TPRG1: variants seen among roughly 807,000 people sequenced by gnomAD.
The protein encoded by TPRG1 is tumor protein p63 regulated 1.
In TPRG1, 29 loss-of-function variants were observed where a neutral mutation model predicts 29.3. That is an observed-to-expected ratio of 0.99 (90% confidence interval 0.74 to 1.35). TPRG1 has a LOEUF of 1.35. Ranked by LOEUF, TPRG1 falls within the 40% of genes most tolerant of loss-of-function variation. The pLI is 0.00. For synonymous variants in TPRG1, 130 were observed against 116.8 expected (o/e 1.11, Z -0.73); for missense variants, 327 against 335.0 (o/e 0.98, Z 0.19).
At chr3:189,224,494 C>A (rs373166186) in intron 3 of TPRG1, among the ~76,000 whole-genome samples, 3,522 of 145,298 alleles carry the variant, frequency 0.024, 141 homozygotes, top group African/African-American at 0.091. Flanking sequence ...ACAACAACAA[C>A]AACAAAAAAA....
rs527687542 is a variant in TPRG1 at position 189,143,716 on chromosome 3, C to A, written c.-290-3868C>A. Among the ~76,000 whole-genome samples, 6 of 152,284 alleles carry A rather than the reference C, an allele frequency of 3.9e-5. No individual in the cohort carries two copies. The South Asian group carries it at 1.2e-3, about 32-fold the overall frequency. ...CCAACCCAGACTTAGGTGTAGGTGA[C>A]ACTGATTTCATAACATGTTTTCATA... On this transcript the variant is annotated intron_variant, in intron 3 of 6. Coordinates refer to the TPRG1 transcript ENST00000412373.
intron 3 of TPRG1, among the ~76,000 whole-genome samples, chr3:189,237,047 C>T (rs73061019): frequency 0.1 from 15,508 of 152,114 alleles, 1,481 homozygotes; most frequent in African/African-American, 0.25. Flanking sequence ...ATTTCACAGA[C>T]GTGGAACCTG....
intron 4 of TPRG1, among the ~76,000 whole-genome samples, chr3:189,087,940 T>C (rs1718068472): frequency 6.6e-6 from 1 of 152,230 alleles, no homozygotes; most frequent in African/African-American, 2.4e-5. Context: ...TCAGGTAGCA[T>C]GATGCCTCCA....
At chr3:189,227,160 G>GA (rs1460799341) in intron 3 of TPRG1, among the ~76,000 whole-genome samples, 1 of 149,294 alleles carries the variant, frequency 6.7e-6, no homozygotes, top group African/African-American at 2.5e-5. Context: ...AAAAAAAAAA[G>GA]AAAAAAAAGA....
chr3:189,165,603 G>A (rs969104825), intron 5 of TPRG1, among the ~76,000 whole-genome samples: 7 of 152,014 alleles, frequency 4.6e-5, no homozygotes, highest in African/African-American at 1.4e-4. Context: ...TCTTCGGGGT[G>A]AGAGGCTCTT....
chr3:189,079,433 A>G (rs1162518486), intron 4 of TPRG1, among the ~76,000 whole-genome samples: 1 of 152,250 alleles, frequency 6.6e-6, no homozygotes, highest in Admixed American at 6.5e-5. Context: ...CCTCAAGAAT[A>G]GAGACCATGG....
chr3:189,175,773 A>G (rs1045915574), intron 1 of TPRG1, among the ~76,000 whole-genome samples: 1 of 152,240 alleles, frequency 6.6e-6, no homozygotes, highest in African/African-American at 2.4e-5. Context: ...AGCAACCTAT[A>G]AGACTCATTT....
At chr3:189,229,647 C>A (rs1046678834) in intron 3 of TPRG1, among the ~76,000 whole-genome samples, 14 of 152,184 alleles carry the variant, frequency 9.2e-5, no homozygotes, top group African/African-American at 3.1e-4. Flanking sequence ...GCACACCAGT[C>A]AGGAGGAAAC....
chr3:189,086,321 G>A (rs1284796551), intron 4 of TPRG1, among the ~76,000 whole-genome samples: 2 of 151,848 alleles, frequency 1.3e-5, no homozygotes, highest in Non-Finnish European at 2.9e-5. Flanking sequence ...CAGATTGTGG[G>A]TGGGTCTTCT....
chr3:189,029,206 T>C (rs1713815576), intron 4 of TPRG1, among the ~76,000 whole-genome samples: 1 of 152,124 alleles, frequency 6.6e-6, no homozygotes, highest in South Asian at 2.1e-4. Flanking sequence ...TTTATTGAAA[T>C]TTAAATTGGT....
intron 4 of TPRG1, among the ~76,000 whole-genome samples, chr3:189,265,415 A>G (rs770053672): frequency 1.6e-4 from 24 of 152,190 alleles, no homozygotes; most frequent in Admixed American, 4.6e-4. Flanking sequence ...CTACATGACA[A>G]TCCTGTAAAT....
intron 1 of TPRG1, among the ~76,000 whole-genome samples, chr3:189,195,427 T>C (rs1732376315): frequency 6.6e-6 from 1 of 152,162 alleles, no homozygotes; most frequent in Non-Finnish European, 1.5e-5. Flanking sequence ...AACAGCTGAT[T>C]GTGGCTTGGC....
intron 4 of TPRG1, among the ~76,000 whole-genome samples, chr3:189,031,565 G>C (rs778560714): frequency 6.6e-6 from 1 of 152,076 alleles, no homozygotes; most frequent in Non-Finnish European, 1.5e-5. Context: ...TTCTCTTTCT[G>C]TTGTGGCTAT....
At chr3:189,248,680 C>G (rs1579027246) in intron 4 of TPRG1, among the ~76,000 whole-genome samples, 1 of 150,706 alleles carries the variant, frequency 6.6e-6, no homozygotes, top group East Asian at 1.9e-4. Flanking sequence ...TGTACATTTC[C>G]TCTTTGACCT....
intron 1 of TPRG1, among the ~76,000 whole-genome samples, chr3:189,102,071 G>A (rs907294362): frequency 6.6e-6 from 1 of 152,096 alleles, no homozygotes; most frequent in African/African-American, 2.4e-5. Flanking sequence ...AAAAGTCTTT[G>A]TGTTGGGGGT....
At chr3:189,015,949 C>T (rs1712908613) in intron 3 of TPRG1, among the ~76,000 whole-genome samples, 1 of 152,180 alleles carries the variant, frequency 6.6e-6, no homozygotes, top group African/African-American at 2.4e-5. Flanking sequence ...GGAGCCCCCA[C>T]ACAGAGTCTC....
upstream of TPRG1, chr3:189,171,828 A>G (rs758556451): frequency 1.2e-4 from 18 of 152,238 alleles, no homozygotes; most frequent in Non-Finnish European, 2.4e-4. Context: ...GGGAGAGGAC[A>G]GGAGGTAAAG....
chr3:189,234,785 T>C (rs1171334985), intron 3 of TPRG1, among the ~76,000 whole-genome samples: 1 of 152,222 alleles, frequency 6.6e-6, no homozygotes, highest in Admixed American at 6.6e-5. Flanking sequence ...ACATTAATTA[T>C]GTAATCATAG....
rs60755870 is a variant in TPRG1 at position 189,289,026 on chromosome 3, A to G, written c.480-21360A>G. 9.0e-3 allele frequency among the ~76,000 whole-genome samples: 1,364 copies of G among 152,314 alleles called. 28 individuals are homozygous for G. The highest frequency in any genetic ancestry group is 0.031 in the African/African-American group (1,309 of 41,558). On this transcript the variant is annotated intron_variant, in intron 4 of 5. Coordinates refer to ENST00000345063, the MANE Select transcript of TPRG1 (RefSeq NM_198485.4). ...GTACTGTGTATTAGAGGGTAAGTCT[A>G]AGAGAGTAAAAACCTGGGCTGAAAA...
Sources: gnomAD v4.1 joint callset for allele counts (sites outside exome capture counted in the v4.1 genomes callset) on GRCh38, gnomAD v4.1.1 for gene constraint, MANE v1.5 for transcripts, NCBI Gene and HGNC (gene_info 2026-07-23, HGNC 2026-07-21) for gene names.